OAS2: variants seen among roughly 807,000 people sequenced by gnomAD.
OAS2 encodes the protein 2'-5'-oligoadenylate synthetase 2, also known as 2'-5'-oligoadenylate synthase 2.
In OAS2, 67 loss-of-function variants were observed where a neutral mutation model predicts 71.3. The observed-to-expected ratio is 0.94, with a 90% confidence interval of 0.77 to 1.15. The LOEUF (loss-of-function observed/expected upper bound fraction) is 1.15, where lower values mean the gene tolerates loss of function less well. Among genes scored for constraint, OAS2 ranks in the 50% most tolerant of loss-of-function variants. OAS2 has a pLI of 0.00. For missense variants in OAS2, 789 were observed against 822.5 expected (o/e 0.96, Z 0.50); for synonymous variants, 327 against 321.8 (o/e 1.02, Z -0.17).
At chr12:112,991,439 C>G (rs1034935009) in intron 2 of OAS2, among the ~76,000 whole-genome samples, 4 of 152,342 alleles carry the variant, frequency 2.6e-5, no homozygotes, top group Non-Finnish European at 5.9e-5. Flanking sequence ...GTGCCCAAGG[C>G]GCTCAGAGCA....
intron 5 of OAS2, among the ~76,000 whole-genome samples, chr12:113,002,391 A>C (rs902129368): frequency 6.6e-6 from 1 of 152,184 alleles, no homozygotes; most frequent in Non-Finnish European, 1.5e-5. Flanking sequence ...GGGAGAGAAT[A>C]AACTTCTGTT....
At chr12:112,991,526 AAAGGC>A (rs59039089) in intron 2 of OAS2, among the ~76,000 whole-genome samples, 34,585 of 152,044 alleles carry the variant, frequency 0.23, 5,473 homozygotes, top group East Asian at 0.8. Context: ...TTCACTCCGG[AAAGGC>A]GGGACAACTC....
intron 1 of OAS2, among the ~76,000 whole-genome samples, chr12:112,979,039 C>T (rs1345257087): frequency 6.6e-6 from 1 of 152,162 alleles, no homozygotes; most frequent in East Asian, 1.9e-4. Context: ...TTCAGAGTAT[C>T]GTAAGGCTTG....
chr12:113,009,499 C>G lies in OAS2; in HGVS notation c.*244C>G. ...CCCAGTAGATGCCACTAGCCCTCCT[C>G]TCCCAGTGACAACCAAAAGTCTTCA... On this transcript the variant is annotated 3_prime_UTR_variant, in exon 10 of 10. Coordinates refer to ENST00000392583, the MANE Select transcript of OAS2 (RefSeq NM_002535.3). 1 of 1,198,168 alleles carries G rather than the reference C, an allele frequency of 8.3e-7. No homozygotes were observed. The highest frequency in any genetic ancestry group is 1.0e-6 in the Non-Finnish European group (1 of 965,358). 74.2% of individuals were successfully genotyped at this position (1,198,168 alleles called of 1,614,324 possible). A position where few individuals can be genotyped will look rare whatever the true frequency, so the allele number is the denominator to read the frequency against.
chr12:112,984,783 A>T (rs1489119721), intron 1 of OAS2, among the ~76,000 whole-genome samples: 1 of 152,154 alleles, frequency 6.6e-6, no homozygotes, highest in Non-Finnish European at 1.5e-5. Context: ...GATGGTAGAC[A>T]TCATCCCTTT....
chr12:112,983,956 A>G (rs901378714), intron 1 of OAS2, among the ~76,000 whole-genome samples: 1 of 152,246 alleles, frequency 6.6e-6, no homozygotes, highest in Non-Finnish European at 1.5e-5. Flanking sequence ...GCAAATATTC[A>G]TTAGGTCCAT....
At chr12:113,002,556 G>C (rs1488597055) in intron 5 of OAS2, among the ~76,000 whole-genome samples, 1 of 152,220 alleles carries the variant, frequency 6.6e-6, no homozygotes, top group Non-Finnish European at 1.5e-5. Context: ...TGGGAAGACA[G>C]GGAAGGACCA....
chr12:112,997,666 G>T lies in OAS2; in HGVS notation c.774G>T (p.Gln258His). ...VRTVLELIKC[Q>H]EKLCIYWMVN... ...CCGTACTGGAGCTGATCAAATGCCA[G>T]GAGAAGCTGTGTATCTATTGGATGG... The change falls in exon 4 of 10, where the codon CAG (glutamine) becomes CAT (histidine). Residue 258 changes from glutamine (Q) to histidine (H), a missense_variant. Coordinates refer to ENST00000392583, the MANE Select transcript of OAS2 (RefSeq NM_002535.3). 6.2e-7 allele frequency: 1 copy of T among 1,614,076 alleles called. No individual in the cohort carries two copies. The highest frequency in any genetic ancestry group is 8.5e-7 in the Non-Finnish European group (1 of 1,179,994).
intron 1 of OAS2, among the ~76,000 whole-genome samples, chr12:112,983,383 G>A (rs756505773): frequency 4.6e-5 from 7 of 151,984 alleles, no homozygotes; most frequent in Admixed American, 1.3e-4. Context: ...GCACCACCAC[G>A]CCCGGCTAAT....
At chr12:113,006,339 T>G in intron 7 of OAS2, 74 bp from the exon 8 acceptor site, 1 of 1,254,314 alleles carries the variant, frequency 8.0e-7, no homozygotes, top group Non-Finnish European at 1.1e-6. Context: ...TAAATCATAT[T>G]TGTCAAAAAT....
chr12:112,984,172 A>C (rs12821546), intron 1 of OAS2, among the ~76,000 whole-genome samples: 38,695 of 152,066 alleles, frequency 0.25, 5,140 homozygotes, highest in East Asian at 0.41. Context: ...GTTTAGCTCT[A>C]ATATTTGCTT....
In OAS2 at chr12:112,998,396, T is replaced by A. The variant is rs754325044; in HGVS notation, c.994T>A (p.Ser332Thr). 6.2e-7 allele frequency: 1 copy of A among 1,610,714 alleles called. No individual in the cohort carries two copies. The highest frequency in any genetic ancestry group is 1.7e-5 in the Admixed American group (1 of 58,952). Residue 332 changes from serine to threonine, a missense_variant, in exon 5 of 10, where the codon TCT becomes ACT. Transcript: ENST00000392583. ...PNLDNELPAP[S>T]WNVLPAPLFT... ...CCTGGATAATGAGTTACCTGCACCA[T>A]CTTGGAATGTTCTGGTAAGAGGGTT...
Position 113,009,467 on chromosome 12 carries a change from G to T in OAS2, c.*212G>T, listed in dbSNP as rs1253617253. Reference sequence around the variant, plus strand: ...TGTAGGGTGCTGCGCAGCATCCCTAGTCTCTACCCAGTAGATGCCACTAGC... The same window carrying T: ...TGTAGGGTGCTGCGCAGCATCCCTATTCTCTACCCAGTAGATGCCACTAGC... On this transcript the variant is annotated 3_prime_UTR_variant, in exon 10 of 10. Transcript: ENST00000392583. The T allele has an allele frequency of 1.5e-6, 2 of 1,336,798 alleles. No individual in the cohort carries two copies. The highest frequency in any genetic ancestry group is 3.4e-5 in the Admixed American group (1 of 29,576). 82.8% of individuals were successfully genotyped at this position (1,336,798 alleles called of 1,614,324 possible).
chr12:113,000,576 C>A (rs2044274704), intron 5 of OAS2, among the ~76,000 whole-genome samples: 1 of 151,758 alleles, frequency 6.6e-6, no homozygotes, highest in African/African-American at 2.4e-5. Flanking sequence ...CACACGCACA[C>A]ACGCACACAC....
In OAS2 at chr12:113,010,791, CTG is replaced by C; in HGVS notation, c.*1540_*1541del. The stretch of plus-strand genomic sequence containing the variant: ...CCTTCCAGTCTAAAAAAGGAATCCT[CTG>C]TGTCTTCAAAGCAAAGCTCTTTACT... On this transcript the variant is annotated 3_prime_UTR_variant, in exon 10 of 10. Coordinates refer to ENST00000392583, the MANE Select transcript of OAS2 (RefSeq NM_002535.3). 4.9e-6 allele frequency: 1 copy of C among 203,398 alleles called. No homozygotes were observed. The highest frequency in any genetic ancestry group is 9.9e-6 in the Non-Finnish European group (1 of 100,780). The allele number at this position is 203,398 out of a possible 1,614,324, so 12.6% of individuals were successfully genotyped here. A position where few individuals can be genotyped will look rare whatever the true frequency, so the allele number is the denominator to read the frequency against.
intron 9 of OAS2, 83 bp downstream of exon 9, chr12:113,008,026 G>T: frequency 6.2e-6 from 6 of 975,562 alleles, no homozygotes; most frequent in Non-Finnish European, 9.8e-6. Context: ...CTCTGCTGGG[G>T]TCACGATTCA....
chr12:113,010,302 C>T lies in OAS2; in HGVS notation c.*1047C>T. ...CCCAGATACAGGTCCCCCCTTTTTT[C>T]CCCTAACTCTTTTAAGCAATGATTG... On this transcript the variant is annotated 3_prime_UTR_variant, in exon 10 of 10. Coordinates refer to ENST00000392583, the MANE Select transcript of OAS2 (RefSeq NM_002535.3). The T allele has an allele frequency of 6.6e-7, 1 of 1,518,482 alleles. No homozygotes were observed. Among genetic ancestry groups the T allele is most frequent in the Non-Finnish European group, 8.8e-7 (1 of 1,136,670 alleles). 94.1% of individuals were successfully genotyped at this position (1,518,482 alleles called of 1,614,324 possible).
Position 113,006,598 on chromosome 12 carries a change from G to C in OAS2, c.1654G>C (p.Glu552Gln). Reference sequence around the variant, plus strand: ...TCGCCTGGTGAAGCACTGGTACAAAGAGGTAAGGACAGTCTTTGTTCTGAC... The same window carrying C: ...TCGCCTGGTGAAGCACTGGTACAAACAGGTAAGGACAGTCTTTGTTCTGAC... Reference protein sequence around the residue: ...LIRLVKHWYKECERKLKPKGS... With the variant: ...LIRLVKHWYKQCERKLKPKGS... Residue 552 changes from glutamate to glutamine, a missense_variant and splice_region_variant, in exon 8 of 10, where the codon GAG (glutamate) becomes CAG (glutamine). Transcript: ENST00000392583. The C allele has an allele frequency of 6.2e-7, 1 of 1,602,092 alleles. No homozygotes were observed.
intron 8 of OAS2, among the ~76,000 whole-genome samples, chr12:113,006,942 T>A (rs1190183958): frequency 6.6e-6 from 1 of 152,154 alleles, no homozygotes; most frequent in African/African-American, 2.4e-5. Context: ...CCGGCGCACA[T>A]GCTCTCTCTC....
Sources: gnomAD v4.1 joint callset for allele counts (sites outside exome capture counted in the v4.1 genomes callset) on GRCh38, gnomAD v4.1.1 for gene constraint, MANE v1.5 for transcripts, NCBI Gene and HGNC (gene_info 2026-07-23, HGNC 2026-07-21) for gene names.